Variants in FRMD3 observed in about 807,000 individuals in gnomAD.
FRMD3 encodes FERM domain-containing protein 3.
Under a neutral mutation model 70.2 loss-of-function variants are expected in FRMD3, and 33 were observed. That is an observed-to-expected ratio of 0.47 (90% CI 0.36 to 0.63). The LOEUF (loss-of-function observed/expected upper bound fraction) is 0.63. FRMD3 is among the 20% of genes least tolerant of loss of function. The pLI is 0.00. For synonymous variants in FRMD3, 279 were observed against 255.9 expected (o/e 1.09, Z -0.86); for missense variants, 632 against 711.4 (o/e 0.89, Z 1.27).
chr9:83,278,056 T>C (rs1235296008), intron 13 of FRMD3, among the ~76,000 whole-genome samples: 1 of 152,022 alleles, frequency 6.6e-6, no homozygotes, highest in African/African-American at 2.4e-5. Flanking sequence ...AACAGGTAGA[T>C]TGGAGGAATT....
the FRMD3 span, among the ~76,000 whole-genome samples, chr9:83,549,713 T>A: frequency 2.0e-5 from 3 of 152,166 alleles, no homozygotes. Context: ...ATATCGAGCA[T>A]TTTTTTCATA....
At chr9:83,497,181 G>T (rs1299760182) in intron 1 of FRMD3, among the ~76,000 whole-genome samples, 1 of 152,102 alleles carries the variant, frequency 6.6e-6, no homozygotes, top group Non-Finnish European at 1.5e-5. Flanking sequence ...AGGGAATTAT[G>T]CACAATACTC....
chr9:83,357,238 A>AATAT lies in FRMD3; in HGVS notation c.296-7482_296-7481insATAT, dbSNP rs1554692086. On this transcript the variant is annotated intron_variant, in intron 3 of 13. Transcript: ENST00000304195. ...GAATATATATATTTTATATATATATAATACATACATATATATATATATATA... is the reference window on the plus strand; with the variant it reads ...GAATATATATATTTTATATATATATAATATATACATACATATATATATATATATA... 7.5e-4 allele frequency among the ~76,000 whole-genome samples: 3 copies of AATAT among 4,000 alleles called. 1 individual carries two copies. The highest frequency in any genetic ancestry group is 2.2e-3 in the Admixed American group (1 of 452). 2.6% of individuals were successfully genotyped at this position (4,000 alleles called of 152,430 possible).
At chr9:83,520,133 A>C (rs1199074334) in intron 1 of FRMD3, among the ~76,000 whole-genome samples, 6 of 152,180 alleles carry the variant, frequency 3.9e-5, no homozygotes, top group African/African-American at 1.4e-4. Context: ...CCCAGAACTT[A>C]AAGTATAATT....
intron 6 of FRMD3, among the ~76,000 whole-genome samples, chr9:83,334,759 C>T (rs763860783): frequency 6.6e-6 from 1 of 152,110 alleles, no homozygotes; most frequent in Non-Finnish European, 1.5e-5. Flanking sequence ...AGAGTGTAAC[C>T]ATCACACAGG....
At chr9:83,466,560 A>G (rs1278196210) in intron 1 of FRMD3, among the ~76,000 whole-genome samples, 1 of 152,150 alleles carries the variant, frequency 6.6e-6, no homozygotes, top group African/African-American at 2.4e-5. Context: ...GCGTTTGCCT[A>G]ACAGACGCTG....
At chr9:83,486,185 A>T (rs1828686394) in intron 1 of FRMD3, among the ~76,000 whole-genome samples, 1 of 152,188 alleles carries the variant, frequency 6.6e-6, no homozygotes, top group South Asian at 2.1e-4. Flanking sequence ...ACTCAGAGGC[A>T]CAATTTTGAA....
At chr9:83,454,829 G>C (rs762784972) in intron 1 of FRMD3, among the ~76,000 whole-genome samples, 2 of 152,092 alleles carry the variant, frequency 1.3e-5, no homozygotes, top group African/African-American at 2.4e-5. Flanking sequence ...CCTCTGTCAG[G>C]CTCTGTTTTA....
chr9:83,244,584 C>CAACTT (rs1026143964), downstream of FRMD3: 3 of 757,432 alleles, frequency 4.0e-6, no homozygotes, highest in African/African-American at 5.7e-5. Context: ...CCTGACTATA[C>CAACTT]AACTTTACTT....
rs1236054055 is a variant in FRMD3 at position 83,538,226 on chromosome 9, G to A, written c.6C>T (p.Phe2=). The change falls in exon 1 of 14, where the codon TTC becomes TTT. Residue 2 remains phenylalanine (F), a synonymous_variant. Transcript: ENST00000304195. This position sits in a 1 kb window ranked among gnomAD's most constrained non-coding sequence, Gnocchi z 4.7. ...CTCTCGGCACACAGTGGCAGGAGGC[G>A]AACATGCACCGCGGCCGTGGGGAGC... M[F]ASCHCVPRGR... 2 of 1,570,842 alleles carry A rather than the reference G, an allele frequency of 1.3e-6. No individual in the cohort carries two copies. The highest frequency in any genetic ancestry group is 1.7e-6 in the Non-Finnish European group (2 of 1,157,082).
Position 83,290,737 on chromosome 9 carries a change from G to C in FRMD3, c.1071-10C>G, listed in dbSNP as rs745786975. 6.3e-7 allele frequency: 1 copy of C among 1,599,110 alleles called. No individual in the cohort carries two copies. Among genetic ancestry groups the C allele is most frequent in the Non-Finnish European group, 8.5e-7 (1 of 1,171,632 alleles). Reference sequence around the variant, plus strand: ...CTGAGTAATGTTGGCTCTGAAAACAGACACAAGCCAGACAGAGTTGGTTTC... The same window carrying C: ...CTGAGTAATGTTGGCTCTGAAAACACACACAAGCCAGACAGAGTTGGTTTC... On this transcript the variant is annotated splice_polypyrimidine_tract_variant and intron_variant, in intron 12 of 13. Coordinates refer to ENST00000304195, the MANE Select transcript of FRMD3 (RefSeq NM_174938.6).
In FRMD3 at chr9:83,323,715, A is replaced by G. The variant is rs184570326; in HGVS notation, c.597-9968T>C. On this transcript the variant is annotated intron_variant, in intron 6 of 13. Transcript: ENST00000304195. ...ATTACCTAGCCTCTGGTATTCAGTT[A>G]TAGCAAGAAAAAACAGGCTAAAATA... is the stretch of plus-strand genomic sequence containing the variant. Among the ~76,000 whole-genome samples, 118 of 152,356 alleles carry G rather than the reference A, an allele frequency of 7.7e-4. 1 individual carries two copies. Among genetic ancestry groups the G allele is most frequent in the Admixed American group, 7.7e-3 (118 of 15,300 alleles).
chr9:83,517,235 A>G (rs1004125250), intron 1 of FRMD3, among the ~76,000 whole-genome samples: 2 of 152,128 alleles, frequency 1.3e-5, no homozygotes, highest in South Asian at 2.1e-4. Flanking sequence ...CCAGGCTAAT[A>G]AAGAAGAAAA....
chr9:83,364,657 G>A (rs1824731418), intron 3 of FRMD3, among the ~76,000 whole-genome samples: 1 of 152,012 alleles, frequency 6.6e-6, no homozygotes. Flanking sequence ...ATTGTTTCTG[G>A]GTTTTATATT....
intron 1 of FRMD3, among the ~76,000 whole-genome samples, chr9:83,420,937 C>CTTT (rs897070718): frequency 0.086 from 9,242 of 107,516 alleles, 575 homozygotes; most frequent in African/African-American, 0.14. Flanking sequence ...TTTCTTTCTT[C>CTTT]TTTTTTTTTT....
At chr9:83,495,909 C>T (rs887800438) in intron 1 of FRMD3, among the ~76,000 whole-genome samples, 1 of 152,182 alleles carries the variant, frequency 6.6e-6, no homozygotes, top group South Asian at 2.1e-4. Flanking sequence ...ATTACCATTA[C>T]CAAAAACATT....
At chr9:83,252,609 GTC>G (rs1832482037) in intron 13 of FRMD3, among the ~76,000 whole-genome samples, 1 of 152,152 alleles carries the variant, frequency 6.6e-6, no homozygotes, top group Non-Finnish European at 1.5e-5. Context: ...TCAATATGCT[GTC>G]TTCAAGAGAC....
In FRMD3 at chr9:83,538,068, C is replaced by T. The variant is rs749190732; in HGVS notation, c.147+17G>A. The T allele has an allele frequency of 1.2e-6, 2 of 1,610,450 alleles. No individual in the cohort carries two copies. Among genetic ancestry groups the T allele is most frequent in the Admixed American group, 3.3e-5 (2 of 59,850 alleles). ...TCCCGGCGTGTGCCCCGCGCCCTCG[C>T]CCGGTTCCACGCGCACCTGGATGTG... On this transcript the variant is annotated intron_variant, in intron 1 of 13. Coordinates refer to ENST00000304195, the MANE Select transcript of FRMD3 (RefSeq NM_174938.6). This position sits in a 1 kb window ranked among gnomAD's most constrained non-coding sequence, Gnocchi z 4.7.
At chr9:83,267,256 A>C in intron 13 of FRMD3, 3 of 1,507,042 alleles carry the variant, frequency 2.0e-6, no homozygotes, top group Non-Finnish European at 1.8e-6. Context: ...ATCAAATGTC[A>C]GGTTCCTAAT....
Sources: allele counts gnomAD v4.1 joint callset (sites outside exome capture counted in the v4.1 genomes callset), GRCh38; gene constraint gnomAD v4.1.1; non-coding constraint Gnocchi (gnomAD v3.1); transcripts MANE v1.5; gene names NCBI Gene and HGNC (gene_info 2026-07-23, HGNC 2026-07-21).